The following PDE7B variants were observed in gnomAD, a reference collection of about 807,000 sequenced individuals.
PDE7B encodes 3',5'-cyclic-AMP phosphodiesterase 7B.
Under a neutral mutation model 56.2 loss-of-function variants are expected in PDE7B, and 29 were observed. The ratio of observed to expected loss-of-function variants is 0.52; its 90% CI spans 0.38 to 0.70. The LOEUF (loss-of-function observed/expected upper bound fraction) is 0.70, where lower values mean the gene tolerates loss of function less well. PDE7B is among the 30% of genes least tolerant of loss of function. The pLI, the probability that PDE7B is intolerant of heterozygous loss-of-function variation, is 0.00. For missense variants in PDE7B, 490 were observed against 565.0 expected (o/e 0.87, Z 1.35); for synonymous variants, 197 against 196.9 (o/e 1.00, Z 0.00).
chr6:136,149,295 C>T (rs780158859), intron 5 of PDE7B, 145 bp downstream of exon 5: 11 of 634,342 alleles, frequency 1.7e-5, no homozygotes, highest in South Asian at 3.9e-5. Flanking sequence ...GAAGAAGGAC[C>T]GGGGTAAGGG....
chr6:136,062,648 GGAA>G (rs577380891), intron 2 of PDE7B, among the ~76,000 whole-genome samples: 352 of 152,232 alleles, frequency 2.3e-3, no homozygotes, highest in African/African-American at 8.0e-3. Context: ...TAAACAAGAT[GGAA>G]GAAGATCATT....
rs528478698 is a variant in PDE7B at position 136,028,721 on chromosome 6, A to G, written c.83-80010A>G. ...TGACTCTTCTGCCTCCCTCTTCCAC[A>G]TGTAAGGACACTTGTGAAATTATTT... On this transcript the variant is annotated intron_variant, in intron 2 of 12. Transcript: ENST00000308191. Among the ~76,000 whole-genome samples, 99 of 152,298 alleles carry G rather than the reference A, an allele frequency of 6.5e-4. No individual in the cohort carries two copies. The South Asian group carries it at 0.021, about 32-fold the overall frequency.
At chr6:136,126,065 A>T (rs73565068) in intron 3 of PDE7B, among the ~76,000 whole-genome samples, 1 of 152,104 alleles carries the variant, frequency 6.6e-6, no homozygotes, top group African/African-American at 2.4e-5. Flanking sequence ...ATAAGTAAAT[A>T]CTTGGGCATA....
chr6:136,009,814 A>G (rs1775857322), intron 2 of PDE7B, among the ~76,000 whole-genome samples: 1 of 152,124 alleles, frequency 6.6e-6, no homozygotes, highest in Non-Finnish European at 1.5e-5. Flanking sequence ...TCCTAACTGA[A>G]TAAATTGTGT....
chr6:136,075,048 A>T (rs946778910), intron 2 of PDE7B, among the ~76,000 whole-genome samples: 1 of 152,206 alleles, frequency 6.6e-6, no homozygotes, highest in Non-Finnish European at 1.5e-5. Context: ...GTAAGGAAAA[A>T]CTTCTGAAAC....
intron 2 of PDE7B, among the ~76,000 whole-genome samples, chr6:136,064,187 G>A (rs1046853210): frequency 2.0e-5 from 3 of 152,118 alleles, no homozygotes; most frequent in Non-Finnish European, 2.9e-5. Flanking sequence ...ATTTCTCTGA[G>A]AGTGCAGCTG....
chr6:136,082,518 G>T (rs1777223235), intron 2 of PDE7B, among the ~76,000 whole-genome samples: 1 of 152,226 alleles, frequency 6.6e-6, no homozygotes, highest in Non-Finnish European at 1.5e-5. Context: ...CTGAGGGCCA[G>T]TCATGCAGTT....
intron 1 of PDE7B, among the ~76,000 whole-genome samples, chr6:135,877,856 G>A (rs1174362558): frequency 1.3e-5 from 2 of 152,110 alleles, no homozygotes; most frequent in South Asian, 2.1e-4. Context: ...GGGAAAGAGT[G>A]TAAAACACGT....
intron 1 of PDE7B, among the ~76,000 whole-genome samples, chr6:135,854,256 G>A (rs1041258320): frequency 1.3e-5 from 2 of 152,180 alleles, no homozygotes; most frequent in Non-Finnish European, 2.9e-5. Context: ...TTATTAAGTG[G>A]TAAGCTAATC....
intron 2 of PDE7B, among the ~76,000 whole-genome samples, chr6:136,057,580 C>T (rs1248114398): frequency 6.6e-6 from 1 of 152,160 alleles, no homozygotes; most frequent in African/African-American, 2.4e-5. Flanking sequence ...ATTTGGTTGT[C>T]AACTAAATCC....
intron 2 of PDE7B, among the ~76,000 whole-genome samples, chr6:136,086,720 G>C (rs1777297958): frequency 6.6e-6 from 1 of 152,116 alleles, no homozygotes; most frequent in African/African-American, 2.4e-5. Context: ...ATCTCCTTTG[G>C]CTAAGGATTA....
At chr6:135,996,048 A>C (rs953751131) in intron 2 of PDE7B, among the ~76,000 whole-genome samples, 4 of 152,186 alleles carry the variant, frequency 2.6e-5, no homozygotes, top group Non-Finnish European at 5.9e-5. Context: ...ATCTCATGAA[A>C]AGTTTACCAT....
chr6:136,123,126 G>T (rs1777966321), intron 3 of PDE7B, among the ~76,000 whole-genome samples: 1 of 151,036 alleles, frequency 6.6e-6, no homozygotes, highest in African/African-American at 2.4e-5. Context: ...TGAAGCAAGA[G>T]GATCACTTGA....
chr6:136,048,888 A>T (rs1028108333), intron 2 of PDE7B: 1 of 152,212 alleles, frequency 6.6e-6, no homozygotes, highest in Non-Finnish European at 1.5e-5. Flanking sequence ...ACAGAGCCAC[A>T]AGAAATAATA....
chr6:136,124,372 G>A (rs1178513573), intron 3 of PDE7B, among the ~76,000 whole-genome samples: 1 of 152,092 alleles, frequency 6.6e-6, no homozygotes, highest in Non-Finnish European at 1.5e-5. Context: ...AAAAAATTGT[G>A]CAACCCAATT....
chr6:135,903,972 T>C (rs997195232), intron 1 of PDE7B, among the ~76,000 whole-genome samples: 1 of 152,230 alleles, frequency 6.6e-6, no homozygotes, highest in South Asian at 2.1e-4. Context: ...AGAGTTGCTT[T>C]ATTTTTCCCT....
intron 1 of PDE7B, among the ~76,000 whole-genome samples, chr6:135,900,291 A>C (rs1775977107): frequency 6.6e-6 from 1 of 152,054 alleles, no homozygotes; most frequent in African/African-American, 2.4e-5. Context: ...ATTGCTCCTT[A>C]AATAGGTGTA....
intron 11 of PDE7B, among the ~76,000 whole-genome samples, chr6:136,186,381 T>C (rs966587371): frequency 6.6e-6 from 1 of 152,102 alleles, no homozygotes; most frequent in African/African-American, 2.4e-5. Context: ...TGAGCCAAGA[T>C]CATGCCACTG....
rs1457746105 is a variant in PDE7B at position 135,935,218 on chromosome 6, T to TATATATATATATATATATATATATATATA, written c.22-12246_22-12245insATATATATATATATATATATATATATATA. On this transcript the variant is annotated intron_variant, in intron 1 of 12. Transcript: ENST00000308191. ...TATATATATATATATATATATATAT[T>TATATATATATATATATATATATATATATA]TTCATGATTCTTGCTCTCCAGGAAA... Among the ~76,000 whole-genome samples, 20 of 34,716 alleles carry TATATATATATATATATATATATATATATA rather than the reference T, an allele frequency of 5.8e-4. 2 individuals carry two copies. Among genetic ancestry groups the TATATATATATATATATATATATATATATA allele is most frequent in the South Asian group, 1.1e-3 (1 of 890 alleles). The allele number at this position is 34,716 out of a possible 152,430, so 22.8% of individuals were successfully genotyped here. A position where few individuals can be genotyped will look rare whatever the true frequency, so the allele number is the denominator to read the frequency against.
Sources: allele counts gnomAD v4.1 joint callset (sites outside exome capture counted in the v4.1 genomes callset), GRCh38; gene constraint gnomAD v4.1.1; transcripts MANE v1.5; gene names NCBI Gene and HGNC (gene_info 2026-07-23, HGNC 2026-07-21).